Variants in ZNF726 observed in about 807,000 individuals in gnomAD.
ZNF726 encodes the protein zinc finger protein 726.
A neutral mutation model predicts 11.6 loss-of-function variants in ZNF726; 15 were observed. The ratio of observed to expected loss-of-function variants is 1.29; its 90% confidence interval spans 0.86 to 1.99. The LOEUF is 1.99. ZNF726 is among the 30% of genes most tolerant of loss of function. The pLI is 0.00. For synonymous variants in ZNF726, 295 were observed against 243.6 expected, an observed-to-expected ratio of 1.21 and a Z score of -1.96; for missense variants, 890 against 725.6, an observed-to-expected ratio of 1.23 and a Z score of -2.60.
rs1285875174 is a variant in ZNF726 at position 23,932,706 on chromosome 19, C to G, written c.590C>G (p.Thr197Arg). The G allele has an allele frequency of 1.2e-6, 2 of 1,606,384 alleles. No homozygotes were observed. Among genetic ancestry groups the G allele is most frequent in the Non-Finnish European group, 1.7e-6 (2 of 1,177,794 alleles). ...ACCCAGCATAAAAGCATATATACTA[C>G]AGAGAAGTCCTACAAATGTAAAGAA... is the stretch of plus-strand genomic sequence containing the variant. ...HKTQHKSIYTTEKSYKCKECG... is the reference protein window; with the variant it reads ...HKTQHKSIYTREKSYKCKECG... Residue 197 changes from threonine (T) to arginine (R), a missense_variant, in exon 4 of 4, where the codon ACA (threonine) becomes AGA (arginine). Physicochemically the swap from Thr to Arg is moderately conservative, Grantham distance 71. Coordinates refer to ENST00000594466, the MANE Select transcript of ZNF726 (RefSeq NM_001244038.2).
chr19:23,942,406 A>G (rs1425448750), intron 3 of ZNF726, among the ~76,000 whole-genome samples: 2 of 152,200 alleles, frequency 1.3e-5, no homozygotes, highest in African/African-American at 4.8e-5. Context: ...AAAAAGTTCC[A>G]TTCGCTGTTG....
At chr19:23,922,011 A>G (rs928456466) in intron 3 of ZNF726, among the ~76,000 whole-genome samples, 2 of 152,212 alleles carry the variant, frequency 1.3e-5, no homozygotes, top group Non-Finnish European at 2.9e-5. Context: ...GAAACTAAAA[A>G]TCTATTTTCG....
rs550609753 is a variant in ZNF726 at position 23,932,599 on chromosome 19, C to T, written c.483C>T (p.Asn161=). 1.5e-4 allele frequency: 233 copies of T among 1,539,914 alleles called. No homozygotes were observed. The highest frequency in any genetic ancestry group is 1.9e-4 in the Non-Finnish European group (219 of 1,144,000). The change falls in exon 4 of 4, where the codon AAC becomes AAT. Residue 161 remains asparagine (N), a synonymous_variant. Coordinates refer to ENST00000594466, the MANE Select transcript of ZNF726 (RefSeq NM_001244038.2). ...LKVFYKFINL[N]RYKIRHTRKK... ...TCTTTTATAAATTTATAAATTTAAACAGATATAAGATAAGACATACTAGAA... is the reference window on the plus strand; with the variant it reads ...TCTTTTATAAATTTATAAATTTAAATAGATATAAGATAAGACATACTAGAA...
In ZNF726 at chr19:23,932,361, C is replaced by T. The variant is rs1337993881; in HGVS notation, c.245C>T (p.Ala82Val). The change falls in exon 4 of 4, where the codon GCT becomes GTT. Residue 82 changes from alanine to valine, a missense_variant. Physicochemically the swap from Ala to Val is moderately conservative, Grantham distance 64. Coordinates refer to ENST00000594466, the MANE Select transcript of ZNF726 (RefSeq NM_001244038.2). ...TTTTTAGGTATATGTCCTCATTTTG[C>T]TCAAGACATTTGGCCAGAGCAGGGC... The part of the protein sequence containing the change: ...DEPPGICPHF[A>V]QDIWPEQGVE... 2 of 1,426,592 alleles carry T rather than the reference C, an allele frequency of 1.4e-6. No individual in the cohort carries two copies. Among genetic ancestry groups the T allele is most frequent in the South Asian group, 1.9e-5 (1 of 53,540 alleles). 88.4% of individuals were successfully genotyped at this position (1,426,592 alleles called of 1,614,324 possible).
At chr19:23,921,718 T>C (rs1177804543) in intron 3 of ZNF726, among the ~76,000 whole-genome samples, 1 of 152,202 alleles carries the variant, frequency 6.6e-6, no homozygotes, top group East Asian at 1.9e-4. Flanking sequence ...TAATTGTATG[T>C]TAATTTCATA....
intron 4 of ZNF726, chr19:23,943,844 A>G: frequency 6.7e-6 from 2 of 300,012 alleles, no homozygotes; most frequent in Non-Finnish European, 1.2e-5. Flanking sequence ...TATGGCTTAT[A>G]AGGTACTGCA....
exon 4 of ZNF726, chr19:23,943,540 A>G (rs1232878638): frequency 1.5e-6 from 1 of 679,728 alleles, no homozygotes; most frequent in African/African-American, 1.7e-5. Context: ...TTGAGCAAAT[A>G]AAAGAGCCCT....
intron 3 of ZNF726, chr19:23,927,676 G>A (rs1968017976): frequency 6.6e-6 from 1 of 151,844 alleles, no homozygotes; most frequent in African/African-American, 2.4e-5. Context: ...ATTATTTGTA[G>A]GGATAGAGTT....
At position 23,934,228 on chromosome 19, in the gene ZNF726, G is replaced by A; in HGVS notation, c.*261G>A. The stretch of plus-strand genomic sequence containing the variant: ...CATACTGGAAATAAACCCTACAAAT[G>A]TGAAAAATGTGGCAAAGCATATGGT... On this transcript the variant is annotated 3_prime_UTR_variant, in exon 4 of 4. Transcript: ENST00000594466. 1.4e-6 allele frequency: 1 copy of A among 702,588 alleles called. No individual in the cohort carries two copies. Among genetic ancestry groups the A allele is most frequent in the Non-Finnish European group, 2.6e-6 (1 of 382,606 alleles). The allele number at this position is 702,588 out of a possible 1,614,324, so 43.5% of individuals were successfully genotyped here.
rs1210336110 is a variant in ZNF726, at chr19:23,933,815, T to G, written c.1699T>G (p.Cys567Gly). The G allele has an allele frequency of 1.2e-6, 2 of 1,604,110 alleles. No homozygotes were observed. The highest frequency in any genetic ancestry group is 1.7e-6 in the Non-Finnish European group (2 of 1,175,900). ...IIHTGEKPYK[C>G]EECGKAFNRS... ...TCATACTGGAGAGAAACCTTACAAG[T>G]GTGAAGAATGTGGAAAAGCGTTTAA... Residue 567 changes from cysteine (C) to glycine (G), a missense_variant, in exon 4 of 4, where the codon TGT (cysteine) becomes GGT (glycine). By Grantham distance (159) the Cys-to-Gly change is radical (BLOSUM62 -3). Coordinates refer to ENST00000594466, the MANE Select transcript of ZNF726 (RefSeq NM_001244038.2).
Position 23,933,908 on chromosome 19 carries a change from T to C in ZNF726, c.1792T>C (p.Cys598Arg). The C allele has an allele frequency of 1.3e-6, 2 of 1,588,604 alleles. No homozygotes were observed. Among genetic ancestry groups the C allele is most frequent in the Non-Finnish European group, 1.7e-6 (2 of 1,167,190 alleles). The change falls in exon 4 of 4, where the codon TGT (cysteine) becomes CGT (arginine). Residue 598 changes from cysteine (C) to arginine (R), a missense_variant. Physicochemically the swap from Cys to Arg is radical, Grantham distance 180. Transcript: ENST00000594466. ...TGEKPYKCDE[C>R]GKSFIWSSTL... ...AGAGAAACCTTACAAGTGTGACGAA[T>C]GTGGCAAATCATTTATCTGGTCCTC...
At chr19:23,938,227 A>T (rs1050974223), downstream of ZNF726, among the ~76,000 whole-genome samples, 7 of 151,976 alleles carry the variant, frequency 4.6e-5, no homozygotes, top group South Asian at 1.5e-3. Flanking sequence ...ATTTTTGTGG[A>T]TATGTAATAT....
chr19:23,938,419 AAAC>A (rs1287986848), downstream of ZNF726, among the ~76,000 whole-genome samples: 1 of 152,176 alleles, frequency 6.6e-6, no homozygotes, highest in East Asian at 1.9e-4. Context: ...TACTAGAAAA[AAAC>A]CAAAATTCTC....
intron 3 of ZNF726, among the ~76,000 whole-genome samples, chr19:23,929,774 A>G (rs1354009289): frequency 6.6e-6 from 1 of 152,188 alleles, no homozygotes; most frequent in East Asian, 1.9e-4. Flanking sequence ...TATATTGTGT[A>G]TTAACATATT....
downstream of ZNF726, among the ~76,000 whole-genome samples, chr19:23,937,275 G>T (rs558519245): frequency 1.3e-5 from 2 of 151,772 alleles, no homozygotes; most frequent in East Asian, 3.9e-4. Flanking sequence ...GGCTGGCCGG[G>T]CGGGGGGCTG....
chr19:23,944,214 T>C (rs975342262), intron 4 of ZNF726: 1 of 152,150 alleles, frequency 6.6e-6, no homozygotes, highest in Non-Finnish European at 1.5e-5. Flanking sequence ...TTCTGTTGGG[T>C]TTTTATTGTT....
chr19:23,914,917 G>C lies in ZNF726; in HGVS notation c.-78G>C, dbSNP rs765609718. 7 of 1,602,358 alleles carry C rather than the reference G, an allele frequency of 4.4e-6. No individual in the cohort carries two copies. In the Admixed American group the frequency reaches 6.8e-5, roughly 16 times the overall value. On this transcript the variant is annotated 5_prime_UTR_variant, in exon 1 of 4. Transcript: ENST00000594466. ...ATCTGCGGCCGGAGCTCCAGGTCTC[G>C]TCCTCACTACTCTGTGTCTTCTGCT...
intron 1 of ZNF726, among the ~76,000 whole-genome samples, chr19:23,916,113 A>C (rs1309268242): frequency 6.6e-6 from 1 of 151,888 alleles, no homozygotes; most frequent in Non-Finnish European, 1.5e-5. Flanking sequence ...TCCACAGGGG[A>C]CTGATTTTTT....
At chr19:23,929,146 G>A (rs1968050833) in intron 3 of ZNF726, 1 of 151,918 alleles carries the variant, frequency 6.6e-6, no homozygotes, top group South Asian at 2.1e-4. Flanking sequence ...CTTTTATTGT[G>A]ATTGTTTTAT....
Sources: gnomAD v4.1 joint callset for allele counts (sites outside exome capture counted in the v4.1 genomes callset) on GRCh38, gnomAD v4.1.1 for gene constraint, MANE v1.5 for transcripts, NCBI Gene and HGNC (gene_info 2026-07-23, HGNC 2026-07-21) for gene names.